Variants in LIPA observed in about 807,000 individuals in gnomAD.
LIPA encodes lipase A, lysosomal acid type, also known as lysosomal acid lipase/cholesteryl ester hydrolase.
LIPA carries 26 observed loss-of-function variants against 40.6 expected under a neutral mutation model. That is an observed-to-expected ratio of 0.64 (90% CI 0.47 to 0.89). The LOEUF (loss-of-function observed/expected upper bound fraction) is 0.89, where lower values mean the gene tolerates loss of function less well. LIPA is among the 40% of genes least tolerant of loss of function. The pLI, the probability that LIPA is intolerant of heterozygous loss-of-function variation, is 0.00. For synonymous variants in LIPA, 188 were observed against 168.4 expected (o/e 1.12, Z -0.90); for missense variants, 455 against 479.6 (o/e 0.95, Z 0.48).
intron 3 of LIPA, among the ~76,000 whole-genome samples, chr10:89,231,214 G>C (rs774107447): frequency 5.3e-5 from 8 of 152,176 alleles, no homozygotes; most frequent in Non-Finnish European, 8.8e-5. Context: ...TGAGAAGAAT[G>C]ATTTGTCCAG....
At chr10:89,336,206 A>G (rs1350916928) in intron 1 of LIPA, among the ~76,000 whole-genome samples, 1 of 149,670 alleles carries the variant, frequency 6.7e-6, no homozygotes, top group Non-Finnish European at 1.5e-5. Context: ...AAGAAGGAAA[A>G]TAGGGAGGGA....
chr10:89,327,840 G>A (rs1396979906), intron 1 of LIPA: 2 of 535,634 alleles, frequency 3.7e-6, no homozygotes, highest in Non-Finnish European at 3.3e-6. Flanking sequence ...AAGCCGTTAG[G>A]TTTCATTTTC....
chr10:89,355,452 T>A (rs1236172469), intron 2 of LIPA, among the ~76,000 whole-genome samples: 1 of 152,266 alleles, frequency 6.6e-6, no homozygotes, highest in Non-Finnish European at 1.5e-5. Flanking sequence ...AATCCCCTTA[T>A]GAGAAATAAA....
chr10:89,355,902 A>G (rs935671973), intron 2 of LIPA, among the ~76,000 whole-genome samples: 1 of 152,212 alleles, frequency 6.6e-6, no homozygotes, highest in Non-Finnish European at 1.5e-5. Flanking sequence ...GGAATCCTCA[A>G]TTCTGTGAAT....
At chr10:89,299,465 C>T (rs998913021) in intron 1 of LIPA, among the ~76,000 whole-genome samples, 2 of 152,126 alleles carry the variant, frequency 1.3e-5, no homozygotes, top group Non-Finnish European at 2.9e-5. Context: ...CTTCCCAAGT[C>T]TAGTAAGAGA....
chr10:89,288,334 C>G (rs1286349528), intron 1 of LIPA, among the ~76,000 whole-genome samples: 3 of 152,252 alleles, frequency 2.0e-5, no homozygotes, highest in Middle Eastern at 3.4e-3. Flanking sequence ...CTAGCTGACC[C>G]CATAGATCCT....
At position 89,243,524 on chromosome 10, in the gene LIPA, C is replaced by T. The variant is rs187315486; in HGVS notation, c.229+2152G>A. ...CCCCATTCTAAAGACCTAGACTCTC[C>T]ACTCTCCCAATCCCCAACCCTCTTG... On this transcript the variant is annotated intron_variant, in intron 3 of 9. Transcript: ENST00000336233. Among the ~76,000 whole-genome samples, 395 of 152,186 alleles carry T rather than the reference C, an allele frequency of 2.6e-3. 2 individuals are homozygous for T. Among genetic ancestry groups the T allele is most frequent in the African/African-American group, 8.9e-3 (370 of 41,508 alleles).
intron 2 of LIPA, among the ~76,000 whole-genome samples, chr10:89,410,340 T>C (rs997725632): frequency 6.6e-6 from 1 of 152,202 alleles, no homozygotes; most frequent in Admixed American, 6.5e-5. Flanking sequence ...TGCGTGGCCC[T>C]CAACCCTGCC....
At chr10:89,305,989 C>G (rs767929160) in intron 1 of LIPA, 20 of 1,612,594 alleles carry the variant, frequency 1.2e-5, no homozygotes, top group Admixed American at 5.0e-5. Flanking sequence ...CCTTGGAGAG[C>G]AGCCTACGGC....
At position 89,402,712 on chromosome 10, in the gene LIPA, G is replaced by A. The variant is rs1054820822; in HGVS notation, c.61+10079C>T. ...TGTCCAGAAATAGACTGTGAGGAAG[G>A]ATGGGCCTTGCTGAAGTGTGGAGGA... On this transcript the variant is annotated intron_variant, in intron 2 of 8. Coordinates refer to the LIPA transcript ENST00000371837. The A allele has an allele frequency of 3.7e-6, 6 of 1,614,114 alleles. No homozygotes were observed. The African/African-American group carries it at 8.0e-5, about 22-fold the overall frequency.
At chr10:89,410,674 T>C (rs539031357) in intron 2 of LIPA, among the ~76,000 whole-genome samples, 1 of 152,380 alleles carries the variant, frequency 6.6e-6, no homozygotes, top group South Asian at 2.1e-4. Context: ...GCTTATCTAA[T>C]CCTACATGCC....
At chr10:89,239,169 T>A (rs1307503849) in intron 3 of LIPA, among the ~76,000 whole-genome samples, 1 of 152,190 alleles carries the variant, frequency 6.6e-6, no homozygotes, top group East Asian at 1.9e-4. Flanking sequence ...AAGCAGGACA[T>A]CTAGCAGATG....
intron 2 of LIPA, chr10:89,406,339 A>G (rs1159682917): frequency 6.8e-6 from 1 of 147,694 alleles, no homozygotes; most frequent in Non-Finnish European, 1.5e-5. Context: ...AGCTCTCTGT[A>G]AAATGGACCA....
rs1281201185 is a variant in LIPA, at chr10:89,215,081, G to A, written c.967-20C>T. 6.5e-7 allele frequency: 1 copy of A among 1,534,380 alleles called. No individual in the cohort carries two copies. ...ATAACTCTACAATGAAAAGGAACCA[G>A]AGAAAGCCTCGTTGTTGTTGTTGTT... On this transcript the variant is annotated intron_variant, in intron 9 of 9. Transcript: ENST00000336233.
At chr10:89,301,407 AAGGC>A (rs1843444502) in intron 1 of LIPA, among the ~76,000 whole-genome samples, 1 of 152,218 alleles carries the variant, frequency 6.6e-6, no homozygotes, top group Non-Finnish European at 1.5e-5. Context: ...ATATTGGTAT[AAGGC>A]AGAGCAAAGA....
intron 1 of LIPA, among the ~76,000 whole-genome samples, chr10:89,285,774 C>T (rs1017210385): frequency 1.3e-5 from 2 of 151,790 alleles, no homozygotes; most frequent in African/African-American, 4.8e-5. Flanking sequence ...GTGTCTCTAC[C>T]CTCTCTTTTC....
At chr10:89,404,104 A>G (rs1844490384) in intron 2 of LIPA, 1 of 158,480 alleles carries the variant, frequency 6.3e-6, no homozygotes, top group South Asian at 2.0e-4. Flanking sequence ...AAGTTTCCCA[A>G]CCATGACAAG....
intron 1 of LIPA, among the ~76,000 whole-genome samples, chr10:89,298,156 C>A (rs1333183425): frequency 6.6e-6 from 1 of 152,226 alleles, no homozygotes; most frequent in Non-Finnish European, 1.5e-5. Context: ...AACCCACTCA[C>A]CCACCTGGCC....
intron 2 of LIPA, chr10:89,403,880 G>C (rs556284768): frequency 1.8e-6 from 1 of 562,996 alleles, no homozygotes; most frequent in South Asian, 2.6e-5. Context: ...TAGTGAAACA[G>C]AATGTGTGTA....
Sources: gnomAD v4.1 joint callset for allele counts (sites outside exome capture counted in the v4.1 genomes callset) on GRCh38, gnomAD v4.1.1 for gene constraint, MANE v1.5 for transcripts, NCBI Gene and HGNC (gene_info 2026-07-23, HGNC 2026-07-21) for gene names.